SCRN3: variants seen among roughly 807,000 people sequenced by gnomAD.
SCRN3 encodes secernin 3.
In SCRN3, 39 loss-of-function variants were observed where a neutral mutation model predicts 43.1. That is an observed-to-expected ratio of 0.91 (90% CI 0.70 to 1.18). SCRN3 has a LOEUF of 1.18. Ranked by LOEUF, SCRN3 falls within the 50% of genes most tolerant of loss-of-function variation. The probability of loss-of-function intolerance (pLI) is 0.00; values close to 1 mark genes in which losing one functional copy is unlikely to be tolerated. For synonymous variants in SCRN3, 147 were observed against 163.1 expected (o/e 0.90, Z 0.75); for missense variants, 484 against 498.0 (o/e 0.97, Z 0.27).
In SCRN3 at chr2:174,398,438, T is replaced by G; in HGVS notation, c.155T>G (p.Leu52Arg). 1 of 1,591,128 alleles carries G rather than the reference T, an allele frequency of 6.3e-7. No individual in the cohort carries two copies. Among genetic ancestry groups the G allele is most frequent in the Non-Finnish European group, 8.5e-7 (1 of 1,173,180 alleles). The change falls in exon 2 of 8, where the codon CTT becomes CGT. Residue 52 changes from leucine to arginine, a missense_variant. By Grantham distance (102) the Leu-to-Arg change is moderately radical (BLOSUM62 -2). Coordinates refer to ENST00000272732, the MANE Select transcript of SCRN3 (RefSeq NM_024583.5). The stretch of plus-strand genomic sequence containing the variant: ...GTTCATGATAACCTGGGAGAACGTC[T>G]TAAGGTAGGTGAAATAAATGTTTTG... ...AVVHDNLGER[L>R]KCTYIEIDQV...
rs555059240 is a variant in SCRN3, at chr2:174,411,743, G to A, written c.754+7428G>A. Among the ~76,000 whole-genome samples, 3 of 152,264 alleles carry A rather than the reference G, an allele frequency of 2.0e-5. No individual in the cohort carries two copies. In the East Asian group the frequency reaches 5.8e-4, roughly 29 times the overall value. ...TCGAGACCACCCTGGCCAATATGGT[G>A]AAACCCCGTCTCTACTAAAAATACA... On this transcript the variant is annotated intron_variant, in intron 5 of 7. Transcript: ENST00000272732.
intron 2 of SCRN3, among the ~76,000 whole-genome samples, chr2:174,399,592 T>C (rs1338382948): frequency 6.6e-6 from 1 of 152,198 alleles, no homozygotes; most frequent in Non-Finnish European, 1.5e-5. Context: ...ACCCTAATAC[T>C]TTATACTTTA....
chr2:174,404,153 C>T lies in SCRN3; in HGVS notation c.592C>T (p.Arg198Trp), dbSNP rs752179057. 1.1e-4 allele frequency: 181 copies of T among 1,613,526 alleles called. 2 individuals carry two copies. Among genetic ancestry groups the T allele is most frequent in the South Asian group, 1.9e-4 (17 of 91,072 alleles). The part of the protein sequence containing the change: ...NQLSITTKIA[R>W]EHPDMRNYAK... ...ACTTTCCATAACAACCAAGATTGCC[C>T]GGGAACACCCAGACATGAGAAACTA... Residue 198 changes from arginine (R) to tryptophan (W), a missense_variant, in exon 5 of 8, where the codon CGG becomes TGG. By Grantham distance (101) the Arg-to-Trp change is moderately radical (BLOSUM62 -3). Transcript: ENST00000272732.
intron 5 of SCRN3, among the ~76,000 whole-genome samples, chr2:174,408,390 C>A (rs1574653919): frequency 1.4e-5 from 2 of 140,140 alleles, no homozygotes; most frequent in Admixed American, 7.2e-5. Flanking sequence ...ATACAGCACA[C>A]TGATGGATCT....
chr2:174,424,481 T>C lies in SCRN3; in HGVS notation c.924T>C (p.Val308=). The stretch of plus-strand genomic sequence containing the variant: ...TAAAGACTCTTTTTTCTAGATCTGT[T>C]TTTAAGCCTTTCATATTTGTGCCAC... ...FTGTPDPERS[V]FKPFIFVPHI... is the part of the protein sequence containing the mutation. The change falls in exon 7 of 8, where the codon GTT becomes GTC. Residue 308 remains valine, a synonymous_variant. Transcript: ENST00000272732. 1 of 1,598,982 alleles carries C rather than the reference T, an allele frequency of 6.3e-7. No individual in the cohort carries two copies. Among genetic ancestry groups the C allele is most frequent in the South Asian group, 1.1e-5 (1 of 89,234 alleles).
intron 4 of SCRN3, 85 bp downstream of exon 4, chr2:174,401,274 C>A: frequency 2.9e-6 from 3 of 1,028,528 alleles, no homozygotes; most frequent in East Asian, 2.5e-5. Flanking sequence ...TAATTGCTTC[C>A]AAGATTAATA....
At chr2:174,412,977 T>G (rs994535112) in intron 5 of SCRN3, among the ~76,000 whole-genome samples, 1 of 147,666 alleles carries the variant, frequency 6.8e-6, no homozygotes, top group African/African-American at 2.5e-5. Context: ...CAAGCGATTC[T>G]CCTGCCTCAG....
chr2:174,411,093 A>G (rs1685901958), intron 5 of SCRN3, among the ~76,000 whole-genome samples: 1 of 152,148 alleles, frequency 6.6e-6, no homozygotes, highest in African/African-American at 2.4e-5. Flanking sequence ...TTTAGGATGG[A>G]ACTGAGCTGC....
At chr2:174,410,712 T>C (rs1201063729) in intron 5 of SCRN3, among the ~76,000 whole-genome samples, 1 of 152,218 alleles carries the variant, frequency 6.6e-6, no homozygotes, top group East Asian at 1.9e-4. Context: ...AGTACTCTTA[T>C]CAGTTATTTT....
chr2:174,411,410 A>C lies in SCRN3; in HGVS notation c.754+7095A>C, dbSNP rs1457707020. 2.0e-5 allele frequency among the ~76,000 whole-genome samples: 3 copies of C among 152,228 alleles called. No individual in the cohort carries two copies. The East Asian group carries it at 5.8e-4, about 29-fold the overall frequency. ...TTCAGTTGAAGATGTAGTTTCTACG[A>C]CTATTATGATAGTTTCTACTGTAAT... On this transcript the variant is annotated intron_variant, in intron 5 of 7. Transcript: ENST00000272732.
rs370599381 is a variant in SCRN3, at chr2:174,403,456, A to T, written c.542-647A>T. Among the ~76,000 whole-genome samples the T allele has an allele frequency of 1.1e-4, 16 of 152,328 alleles. No homozygotes were observed. In the South Asian group the frequency reaches 3.3e-3, roughly 32 times the overall value. On this transcript the variant is annotated intron_variant, in intron 4 of 7. Transcript: ENST00000272732. ...TCCATGATGACCAAAAACTAGGAAC[A>T]ATTCAGATATCCTTTACCTTGTGAA...
chr2:174,415,590 A>T (rs115525827), intron 5 of SCRN3, among the ~76,000 whole-genome samples: 1,724 of 152,262 alleles, frequency 0.011, 23 homozygotes, highest in African/African-American at 0.039. Context: ...GGGTCATGCT[A>T]CTAATAAAAA....
At chr2:174,418,958 T>C (rs974509963) in intron 5 of SCRN3, among the ~76,000 whole-genome samples, 5 of 152,218 alleles carry the variant, frequency 3.3e-5, no homozygotes, top group Admixed American at 1.3e-4. Flanking sequence ...GTGGAGAAAC[T>C]GGATAAGAGA....
At chr2:174,424,383 ACTT>A in intron 6 of SCRN3, 89 bp from the exon 7 acceptor site, 1 of 921,490 alleles carries the variant, frequency 1.1e-6, no homozygotes, top group South Asian at 1.9e-5. Context: ...ATTAACAGAA[ACTT>A]CTAATTGAGA....
intron 5 of SCRN3, among the ~76,000 whole-genome samples, chr2:174,422,355 C>T (rs1478946962): frequency 6.6e-6 from 1 of 152,158 alleles, no homozygotes; most frequent in African/African-American, 2.4e-5. Flanking sequence ...GGGAGGATCA[C>T]CTGAGGTCAG....
intron 5 of SCRN3, among the ~76,000 whole-genome samples, chr2:174,406,390 C>G (rs1685694066): frequency 7.5e-6 from 1 of 133,928 alleles, no homozygotes; most frequent in African/African-American, 2.5e-5. Context: ...GATATACAAT[C>G]ATGTCGTCTG....
intron 5 of SCRN3, among the ~76,000 whole-genome samples, chr2:174,416,010 C>T (rs544915104): frequency 3.0e-4 from 45 of 152,254 alleles, no homozygotes; most frequent in African/African-American, 1.1e-3. Context: ...TTGATATTTG[C>T]TTCTCATGTA....
intron 2 of SCRN3, 36 bp from the exon 3 acceptor site, chr2:174,399,886 G>A (rs747293173): frequency 1.7e-5 from 22 of 1,314,096 alleles, no homozygotes; most frequent in Non-Finnish European, 2.1e-5. Context: ...TGGTTTTGTG[G>A]TTCTTGCTAT....
At position 174,424,498 on chromosome 2, in the gene SCRN3, T is replaced by A; in HGVS notation, c.941T>A (p.Phe314Tyr). Residue 314 changes from phenylalanine to tyrosine, a missense_variant, in exon 7 of 8, where the codon TTT becomes TAT. Physicochemically the swap from Phe to Tyr is conservative, Grantham distance 22. Transcript: ENST00000272732. ...AGATCTGTTTTTAAGCCTTTCATAT[T>A]TGTGCCACATATTTCACAACTATTG... ...PERSVFKPFI[F>Y]VPHISQLLDT... The A allele has an allele frequency of 6.2e-7, 1 of 1,608,518 alleles. No homozygotes were observed. Among genetic ancestry groups the A allele is most frequent in the South Asian group, 1.1e-5 (1 of 89,978 alleles).
Sources: gnomAD v4.1 joint callset for allele counts (sites outside exome capture counted in the v4.1 genomes callset) on GRCh38, gnomAD v4.1.1 for gene constraint, MANE v1.5 for transcripts, NCBI Gene and HGNC (gene_info 2026-07-23, HGNC 2026-07-21) for gene names.